Variants in GPSM2 observed in about 807,000 individuals in gnomAD.
GPSM2 encodes G protein-signaling modulator 2.
GPSM2 carries 58 observed loss-of-function variants against 78.4 expected under a neutral mutation model. The ratio of observed to expected loss-of-function variants is 0.74; its 90% CI spans 0.60 to 0.92. GPSM2 has a LOEUF of 0.92. Among genes scored for constraint, GPSM2 ranks in the 40% least tolerant of loss-of-function variants. The pLI is 0.00. For synonymous variants in GPSM2, 224 were observed against 280.2 expected (o/e 0.80, Z 2.00); for missense variants, 700 against 815.5 (o/e 0.86, Z 1.73).
intron 8 of GPSM2, among the ~76,000 whole-genome samples, chr1:108,902,749 G>A (rs909876195): frequency 3.3e-5 from 5 of 152,196 alleles, no homozygotes; most frequent in Admixed American, 2.6e-4. Flanking sequence ...GCTACCTCAA[G>A]AGGTAGTGCG....
At chr1:108,886,151 T>C (rs1647535571) in intron 2 of GPSM2, among the ~76,000 whole-genome samples, 1 of 152,192 alleles carries the variant, frequency 6.6e-6, no homozygotes, top group South Asian at 2.1e-4. Flanking sequence ...TGCCTCAGCC[T>C]CCAGAGTAGC....
At chr1:108,917,631 T>A (rs1228419402) in intron 11 of GPSM2, among the ~76,000 whole-genome samples, 1 of 18,092 alleles carries the variant, frequency 5.5e-5, no homozygotes, top group African/African-American at 4.1e-4. Context: ...TATATATATA[T>A]ATATATATAT....
Position 108,877,051 on chromosome 1 carries a change from G to A in GPSM2, c.-426G>A, listed in dbSNP as rs527368687. 4.7e-4 allele frequency: 71 copies of A among 152,462 alleles called. No individual in the cohort carries two copies. Among genetic ancestry groups the A allele is most frequent in the Non-Finnish European group, 7.8e-4 (53 of 68,136 alleles). The allele number at this position is 152,462 out of a possible 1,614,324, so 9.4% of individuals were successfully genotyped here. ...CCTAGGTGGCGGAGGGACGCTCCGG[G>A]AAAGCGAGGGGCGCTACGAGCTCTG... On this transcript the variant is annotated 5_prime_UTR_variant, in exon 1 of 15. Transcript: ENST00000264126.
chr1:108,898,156 C>T, intron 5 of GPSM2, 55 bp downstream of exon 5: 1 of 1,529,484 alleles, frequency 6.5e-7, no homozygotes, highest in Non-Finnish European at 9.1e-7. Flanking sequence ...CGTGGATCTG[C>T]TGTACGTTCT....
At chr1:108,910,661 G>A (rs970448085) in intron 10 of GPSM2, among the ~76,000 whole-genome samples, 5 of 151,964 alleles carry the variant, frequency 3.3e-5, no homozygotes, top group African/African-American at 1.2e-4. Context: ...TCAGGAGTTC[G>A]AGACCAGCCT....
intron 1 of GPSM2, among the ~76,000 whole-genome samples, chr1:108,884,350 G>A (rs1647365151): frequency 6.6e-6 from 1 of 152,132 alleles, no homozygotes; most frequent in Admixed American, 6.5e-5. Context: ...GCAGTGGCAT[G>A]AATATTAATA....
chr1:108,897,330 A>C (rs113826478), intron 3 of GPSM2, among the ~76,000 whole-genome samples, 162 bp from the exon 4 acceptor site: 8 of 152,360 alleles, frequency 5.3e-5, no homozygotes, highest in African/African-American at 1.9e-4. Context: ...TGTAAGTTTT[A>C]AATATTTATT....
chr1:108,898,977 T>A lies in GPSM2; in HGVS notation c.780T>A (p.Thr260=). 1 of 1,572,096 alleles carries A rather than the reference T, an allele frequency of 6.4e-7. No homozygotes were observed. Among genetic ancestry groups the A allele is most frequent in the Non-Finnish European group, 8.8e-7 (1 of 1,142,072 alleles). ...NAYIFLGEFE[T]ASEYYKKTLL... ...ATATATTTCTTGGTGAATTTGAAAC[T>A]GCCTCGGAATACTACAAGTTAGTCT... Residue 260 remains threonine (T), a synonymous_variant, in exon 7 of 15, where the codon ACT becomes ACA. Transcript: ENST00000264126.
chr1:108,912,335 G>A (rs1649816821), intron 10 of GPSM2, among the ~76,000 whole-genome samples: 1 of 152,154 alleles, frequency 6.6e-6, no homozygotes, highest in African/African-American at 2.4e-5. Flanking sequence ...AAATAGACCA[G>A]TGGAATCGAG....
chr1:108,929,613 C>T lies in GPSM2; in HGVS notation c.1816-88C>T, dbSNP rs1026921995. 40 of 1,217,578 alleles carry T rather than the reference C, an allele frequency of 3.3e-5. 1 individual carries two copies. The highest frequency in any genetic ancestry group is 2.2e-4 in the African/African-American group (15 of 66,806). The allele number at this position is 1,217,578 out of a possible 1,614,324, so 75.4% of individuals were successfully genotyped here. A position where few individuals can be genotyped will look rare whatever the true frequency, so the allele number is the denominator to read the frequency against. ...AGCCCCAAATAAAAGTTTACAACTGCGTTTTCTTGTTGTGACTGAGAGATT... is the reference window on the plus strand; with the variant it reads ...AGCCCCAAATAAAAGTTTACAACTGTGTTTTCTTGTTGTGACTGAGAGATT... On this transcript the variant is annotated intron_variant, in intron 14 of 14. Transcript: ENST00000264126.
At position 108,918,647 on chromosome 1, in the gene GPSM2, A is replaced by G. The variant is rs920998004; in HGVS notation, c.1298A>G (p.Gln433Arg). 1 of 1,613,684 alleles carries G rather than the reference A, an allele frequency of 6.2e-7. No homozygotes were observed. Among genetic ancestry groups the G allele is most frequent in the Non-Finnish European group, 8.5e-7 (1 of 1,179,634 alleles). ...TGGAACAGTGAAATTCTTGCTAAGC[A>G]AAAACCTCTTATTGCCAAACCTTCT... Reference protein sequence around the residue: ...QNWNSEILAKQKPLIAKPSAK... With the variant: ...QNWNSEILAKRKPLIAKPSAK... The change falls in exon 12 of 15, where the codon CAA becomes CGA. Residue 433 changes from glutamine to arginine, a missense_variant. Transcript: ENST00000264126.
intron 2 of GPSM2, among the ~76,000 whole-genome samples, chr1:108,894,042 T>C (rs1648173919): frequency 6.6e-6 from 1 of 151,704 alleles, no homozygotes; most frequent in African/African-American, 2.4e-5. Flanking sequence ...AGACTCCATC[T>C]CAAGAAAAAA....
chr1:108,894,911 A>G (rs965967749), intron 2 of GPSM2, among the ~76,000 whole-genome samples: 2 of 152,168 alleles, frequency 1.3e-5, no homozygotes, highest in Non-Finnish European at 2.9e-5. Context: ...TACATTTTCT[A>G]CTTTACAATC....
At chr1:108,914,838 T>A (rs575221848) in intron 11 of GPSM2, among the ~76,000 whole-genome samples, 9 of 152,290 alleles carry the variant, frequency 5.9e-5, no homozygotes, top group Non-Finnish European at 1.3e-4. Flanking sequence ...CATAGCAACA[T>A]TATTGCCAAG....
intron 9 of GPSM2, 80 bp from the exon 10 acceptor site, chr1:108,904,041 TTTTA>T: frequency 1.1e-6 from 1 of 907,678 alleles, no homozygotes; most frequent in Admixed American, 1.9e-5. Context: ...TTTCTTCTAG[TTTTA>T]GGTTCACTAC....
At chr1:108,890,930 G>T (rs894208042) in intron 2 of GPSM2, among the ~76,000 whole-genome samples, 2 of 152,134 alleles carry the variant, frequency 1.3e-5, no homozygotes, top group Non-Finnish European at 2.9e-5. Flanking sequence ...TTTTTTATGT[G>T]TGATAATGGT....
rs756274049 is a variant in GPSM2, at chr1:108,923,962, T to G, written c.1601-38T>G. ...AGGTTTTTTTGTTTTTTGTTTTTTG[T>G]TTTTTTTTAATCTTTGGCTTTCTTC... is the stretch of plus-strand genomic sequence containing the variant. On this transcript the variant is annotated intron_variant, in intron 13 of 14. Transcript: ENST00000264126. The G allele has an allele frequency of 5.8e-5, 82 of 1,404,544 alleles. No homozygotes were observed. The Admixed American group carries it at 9.0e-4, about 15-fold the overall frequency. The allele number at this position is 1,404,544 out of a possible 1,614,324, so 87.0% of individuals were successfully genotyped here.
chr1:108,885,149 C>A (rs572022383), intron 1 of GPSM2, 126 bp from the exon 2 acceptor site: 1 of 171,292 alleles, frequency 5.8e-6, no homozygotes, highest in Non-Finnish European at 1.3e-5. Flanking sequence ...CCTGTGCTAT[C>A]TTCTGTATTG....
chr1:108,914,894 A>G (rs1650061207), intron 11 of GPSM2, among the ~76,000 whole-genome samples: 1 of 152,190 alleles, frequency 6.6e-6, no homozygotes, highest in African/African-American at 2.4e-5. Context: ...TTCTGGCTGC[A>G]TTCTTGAAAA....
Sources: allele counts gnomAD v4.1 joint callset (sites outside exome capture counted in the v4.1 genomes callset), GRCh38; gene constraint gnomAD v4.1.1; transcripts MANE v1.5; gene names NCBI Gene and HGNC (gene_info 2026-07-23, HGNC 2026-07-21).